Variants in TMEM132B observed in about 807,000 individuals in gnomAD.
TMEM132B encodes transmembrane protein 132B.
In TMEM132B, 18 loss-of-function variants were observed where a neutral mutation model predicts 90.8. The observed-to-expected ratio is 0.20, with a 90% CI of 0.14 to 0.29. TMEM132B has a LOEUF of 0.29. Ranked by LOEUF, TMEM132B falls within the 10% of genes least tolerant of loss-of-function variation. The pLI is 1.00. For synonymous variants in TMEM132B, 504 were observed against 523.3 expected, an observed-to-expected ratio of 0.96 and a Z score of 0.50; for missense variants, 1,096 against 1,326.8, an observed-to-expected ratio of 0.83 and a Z score of 2.70.
intron 3 of TMEM132B, among the ~76,000 whole-genome samples, chr12:125,501,038 G>T (rs561401510): frequency 1.3e-5 from 2 of 152,260 alleles, no homozygotes; most frequent in Admixed American, 6.5e-5. Flanking sequence ...TTGTCAGATC[G>T]AATAAAGGGA....
chr12:125,453,031 C>T (rs1190978360), intron 3 of TMEM132B, among the ~76,000 whole-genome samples: 1 of 151,704 alleles, frequency 6.6e-6, no homozygotes, highest in African/African-American at 2.4e-5. Context: ...AGGCTTGTCT[C>T]CTATAATTTA....
intron 4 of TMEM132B, among the ~76,000 whole-genome samples, chr12:125,554,859 G>C (rs141624314): frequency 4.6e-5 from 7 of 152,218 alleles, no homozygotes; most frequent in African/African-American, 1.4e-4. Context: ...ATTTTACTTT[G>C]TATTTCTTTG....
rs182285522 is a variant in TMEM132B, at chr12:125,582,800, C to T, written c.1294-1051C>T. 3.7e-4 allele frequency among the ~76,000 whole-genome samples: 56 copies of T among 152,242 alleles called. 1 individual carries two copies. Among genetic ancestry groups the T allele is most frequent in the Middle Eastern group, 3.4e-3 (1 of 294 alleles). On this transcript the variant is annotated intron_variant, in intron 4 of 8. Coordinates refer to ENST00000682704, the MANE Select transcript of TMEM132B (RefSeq NM_001366854.1). ...ATTAAATTTTCATAAGGTCCCCATA[C>T]AGGAGCTGTTTTTATTATCCCCGTT...
chr12:125,581,601 C>T (rs778908159), intron 4 of TMEM132B, among the ~76,000 whole-genome samples: 12 of 151,804 alleles, frequency 7.9e-5, no homozygotes, highest in African/African-American at 2.4e-4. Flanking sequence ...TGGCAGGAAT[C>T]GGGTGATACA....
chr12:125,335,174 C>G (rs1012917886), intron 1 of TMEM132B, among the ~76,000 whole-genome samples: 1 of 152,158 alleles, frequency 6.6e-6, no homozygotes, highest in Non-Finnish European at 1.5e-5. Context: ...GGTTTCTGAC[C>G]CCAGGCATGG....
intron 1 of TMEM132B, among the ~76,000 whole-genome samples, chr12:125,210,547 C>T (rs1476074786): frequency 6.6e-6 from 1 of 151,536 alleles, no homozygotes; most frequent in Non-Finnish European, 1.5e-5. Context: ...GAGGCAGACT[C>T]ATGTGGGTAG....
chr12:125,422,744 C>T (rs544396205), intron 3 of TMEM132B, among the ~76,000 whole-genome samples: 31 of 152,260 alleles, frequency 2.0e-4, no homozygotes, highest in Middle Eastern at 3.4e-3. Flanking sequence ...GATGCAGCCA[C>T]GGCCATGGAA....
chr12:125,199,661 C>T (rs571878275), intron 1 of TMEM132B, among the ~76,000 whole-genome samples: 1 of 152,272 alleles, frequency 6.6e-6, no homozygotes, highest in Non-Finnish European at 1.5e-5. Context: ...TAGCCCAGGA[C>T]TGTTAAGTTG....
intron 1 of TMEM132B, among the ~76,000 whole-genome samples, chr12:125,315,720 C>T (rs1050379965): frequency 6.6e-6 from 1 of 152,180 alleles, no homozygotes; most frequent in African/African-American, 2.4e-5. Context: ...GATTCTGTGT[C>T]ACTTGCCTGT....
intron 5 of TMEM132B, chr12:125,584,373 T>A: frequency 5.0e-6 from 1 of 201,954 alleles, no homozygotes; most frequent in African/African-American, 2.3e-5. Context: ...CCTAATAATA[T>A]TATTTACTCA....
intron 5 of TMEM132B, among the ~76,000 whole-genome samples, chr12:125,617,803 C>G (rs1886027219): frequency 1.3e-5 from 2 of 152,032 alleles, no homozygotes; most frequent in Admixed American, 6.6e-5. Context: ...AAATTCAGGC[C>G]TCTTTGAGGG....
intron 1 of TMEM132B, among the ~76,000 whole-genome samples, chr12:125,280,253 A>G (rs1350046345): frequency 6.6e-6 from 1 of 152,212 alleles, no homozygotes; most frequent in African/African-American, 2.4e-5. Flanking sequence ...CAAAGAAATA[A>G]ATGTTTGAGA....
At position 125,408,947 on chromosome 12, in the gene TMEM132B, G is replaced by A. The variant is rs1297850555; in HGVS notation, c.960-6584G>A. Among the ~76,000 whole-genome samples, 5 of 152,044 alleles carry A rather than the reference G, an allele frequency of 3.3e-5. No individual in the cohort carries two copies. The highest frequency in any genetic ancestry group is 5.9e-5 in the Non-Finnish European group (4 of 68,020). ...GTTTTGACTTTTGTACTGCACAAGG[G>A]GATACACCAGAGTGGATTGTTAATA... On this transcript the variant is annotated intron_variant, in intron 2 of 8. Transcript: ENST00000682704. The surrounding 1 kb of genome is among the most constrained non-coding windows in gnomAD (Gnocchi z 5.9).
intron 5 of TMEM132B, among the ~76,000 whole-genome samples, chr12:125,627,611 C>T (rs1394496725): frequency 6.6e-6 from 1 of 151,922 alleles, no homozygotes; most frequent in African/African-American, 2.4e-5. Flanking sequence ...GTGTAATAAT[C>T]ACATCATGGA....
At chr12:125,540,237 A>C (rs950689575) in intron 4 of TMEM132B, among the ~76,000 whole-genome samples, 3 of 152,136 alleles carry the variant, frequency 2.0e-5, no homozygotes, top group African/African-American at 7.2e-5. Flanking sequence ...GTGTAGAGAT[A>C]ATTTCTCTTG....
At chr12:125,373,223 C>G (rs191853115) in intron 2 of TMEM132B, among the ~76,000 whole-genome samples, 1 of 152,208 alleles carries the variant, frequency 6.6e-6, no homozygotes, top group Non-Finnish European at 1.5e-5. Context: ...GAACCACACG[C>G]CTTTACATCT....
chr12:125,637,900 G>T (rs2137012166), intron 5 of TMEM132B, among the ~76,000 whole-genome samples: 1 of 152,310 alleles, frequency 6.6e-6, no homozygotes, highest in South Asian at 2.1e-4. Context: ...TCTGTTTTTG[G>T]GGTGACAGAA....
rs562302998 is a variant in TMEM132B at position 125,414,609 on chromosome 12, C to T, written c.960-922C>T. On this transcript the variant is annotated intron_variant, in intron 2 of 8. Transcript: ENST00000682704. ...CCAGCCCAGCCTGCACTGACCTCTG[C>T]AGCATTAGTTCGCAGCATTAGTTTA... Among the ~76,000 whole-genome samples, 11 of 152,288 alleles carry T rather than the reference C, an allele frequency of 7.2e-5. No individual in the cohort carries two copies. The East Asian group carries it at 2.1e-3, about 29-fold the overall frequency.
At chr12:125,509,298 G>A (rs549762064) in intron 3 of TMEM132B, among the ~76,000 whole-genome samples, 6 of 152,266 alleles carry the variant, frequency 3.9e-5, no homozygotes, top group Admixed American at 6.5e-5. Context: ...TGCCTGGGCC[G>A]GGGCTTCCTG....
Sources: allele counts gnomAD v4.1 joint callset (sites outside exome capture counted in the v4.1 genomes callset), GRCh38; gene constraint gnomAD v4.1.1; non-coding constraint Gnocchi (gnomAD v3.1); transcripts MANE v1.5; gene names NCBI Gene and HGNC (gene_info 2026-07-23, HGNC 2026-07-21).